DOCK2: variants seen among roughly 807,000 people sequenced by gnomAD.
The protein encoded by DOCK2 is dedicator of cytokinesis 2, also known as dedicator of cytokinesis protein 2.
Under a neutral mutation model 248.9 loss-of-function variants are expected in DOCK2, and 87 were observed. That is an observed-to-expected ratio of 0.35 (90% CI 0.29 to 0.42). The LOEUF (loss-of-function observed/expected upper bound fraction) is 0.42, where lower values mean the gene tolerates loss of function less well. DOCK2 is among the 10% of genes least tolerant of loss of function. The probability of loss-of-function intolerance (pLI) is 1.00; values close to 1 mark genes in which losing one functional copy is unlikely to be tolerated. For missense variants in DOCK2, 1,747 were observed against 2,300.2 expected, an observed-to-expected ratio of 0.76 and a Z score of 4.92; for synonymous variants, 805 against 821.6, an observed-to-expected ratio of 0.98 and a Z score of 0.35.
chr5:169,883,416 A>C (rs1469548147), intron 27 of DOCK2: 1 of 1,551,572 alleles, frequency 6.4e-7, no homozygotes, highest in South Asian at 1.2e-5. Flanking sequence ...TGACCCTTCG[A>C]GGCCCATCCT....
Position 169,717,568 on chromosome 5 carries a change from T to A in DOCK2, c.2132+84T>A, listed in dbSNP as rs140871783. On this transcript the variant is annotated intron_variant, in intron 21 of 51. Transcript: ENST00000520908. ...CCTAGGGCACAGGAACTTGAGTAAT[T>A]TTCTTTTGTGACTCATCTGTGTGAG... is the stretch of plus-strand genomic sequence containing the variant. The A allele has an allele frequency of 2.8e-3, 3,693 of 1,301,120 alleles. 8 individuals are homozygous for A. The highest frequency in any genetic ancestry group is 3.8e-3 in the Non-Finnish European group (3,412 of 899,414). The allele number at this position is 1,301,120 out of a possible 1,614,324, so 80.6% of individuals were successfully genotyped here. A position where few individuals can be genotyped will look rare whatever the true frequency, so the allele number is the denominator to read the frequency against.
chr5:169,845,975 TACTC>T (rs1770276838), intron 27 of DOCK2, among the ~76,000 whole-genome samples: 1 of 152,226 alleles, frequency 6.6e-6, no homozygotes. Context: ...GGAAAGTAGT[TACTC>T]AGGGGTCAAG....
intron 26 of DOCK2, among the ~76,000 whole-genome samples, chr5:169,819,975 C>T (rs1437947377): frequency 4.6e-5 from 7 of 152,240 alleles, no homozygotes; most frequent in African/African-American, 1.7e-4. Flanking sequence ...GAGACTATAT[C>T]CCGTGCCTGG....
intron 26 of DOCK2, 117 bp downstream of exon 26, chr5:169,803,323 T>C: frequency 7.3e-7 from 1 of 1,373,450 alleles, no homozygotes; most frequent in Non-Finnish European, 9.7e-7. Context: ...AGTCAACGGC[T>C]TGCTCAGCAG....
At chr5:170,045,215 G>C (rs1756659495) in intron 38 of DOCK2, among the ~76,000 whole-genome samples, 1 of 152,092 alleles carries the variant, frequency 6.6e-6, no homozygotes, top group Non-Finnish European at 1.5e-5. Flanking sequence ...AAGAATCCCA[G>C]GACTGCATAT....
At chr5:169,715,829 T>A (rs1351078780) in intron 19 of DOCK2, among the ~76,000 whole-genome samples, 1 of 152,138 alleles carries the variant, frequency 6.6e-6, no homozygotes, top group Non-Finnish European at 1.5e-5. Context: ...ACCATCATTG[T>A]AGATGGGTTT....
At chr5:169,835,051 G>C (rs1174202038) in intron 26 of DOCK2, among the ~76,000 whole-genome samples, 1 of 151,306 alleles carries the variant, frequency 6.6e-6, no homozygotes, top group Non-Finnish European at 1.5e-5. Context: ...TTTTTTTGGT[G>C]GGGGGGTGGC....
chr5:169,961,605 A>G (rs1347001719), intron 27 of DOCK2, among the ~76,000 whole-genome samples: 9 of 152,214 alleles, frequency 5.9e-5, no homozygotes, highest in Non-Finnish European at 2.9e-5. Flanking sequence ...GACAAGCACT[A>G]AACAAGTCTT....
At chr5:169,889,472 T>A (rs1220214825) in intron 27 of DOCK2, among the ~76,000 whole-genome samples, 1 of 152,222 alleles carries the variant, frequency 6.6e-6, no homozygotes, top group Non-Finnish European at 1.5e-5. Context: ...TCATATGGAA[T>A]CTGTTCCTAA....
intron 26 of DOCK2, among the ~76,000 whole-genome samples, chr5:169,826,019 A>G (rs1173426630): frequency 4.0e-5 from 6 of 151,860 alleles, no homozygotes; most frequent in East Asian, 1.9e-4. Flanking sequence ...TTTTTCATCA[A>G]ATTCTGAAGT....
chr5:169,776,110 T>C (rs2113785881), intron 25 of DOCK2, among the ~76,000 whole-genome samples: 1 of 149,426 alleles, frequency 6.7e-6, no homozygotes, highest in African/African-American at 2.4e-5. Context: ...TTCCTCTCTT[T>C]TGTATCATAT....
intron 27 of DOCK2, among the ~76,000 whole-genome samples, chr5:169,958,386 G>C (rs760043137): frequency 4.9e-4 from 75 of 152,098 alleles, no homozygotes; most frequent in Non-Finnish European, 9.7e-4. Flanking sequence ...GCAAGAGGAG[G>C]GCAAACAGAA....
chr5:169,849,390 TTAAA>T (rs1156804414), intron 27 of DOCK2, among the ~76,000 whole-genome samples: 1 of 152,198 alleles, frequency 6.6e-6, no homozygotes, highest in Non-Finnish European at 1.5e-5. Context: ...GTCGCTGCCC[TTAAA>T]TAGTGTATTG....
At chr5:169,931,475 T>G (rs1381425213) in intron 27 of DOCK2, among the ~76,000 whole-genome samples, 2 of 152,232 alleles carry the variant, frequency 1.3e-5, no homozygotes, top group East Asian at 3.8e-4. Flanking sequence ...ACTAAGTTCC[T>G]GGCATATAAA....
At chr5:169,836,146 G>A (rs1486775040) in intron 26 of DOCK2, among the ~76,000 whole-genome samples, 1 of 152,044 alleles carries the variant, frequency 6.6e-6, no homozygotes, top group Non-Finnish European at 1.5e-5. Flanking sequence ...AAAACTGTAA[G>A]TAGCATCATT....
At chr5:169,651,778 C>T (rs868010158) in intron 1 of DOCK2, among the ~76,000 whole-genome samples, 1 of 152,102 alleles carries the variant, frequency 6.6e-6, no homozygotes. Context: ...AAACAGGCTG[C>T]GTTTATGCAG....
At chr5:170,066,595 A>T (rs1385654184) in intron 44 of DOCK2, among the ~76,000 whole-genome samples, 2 of 152,202 alleles carry the variant, frequency 1.3e-5, no homozygotes, top group Non-Finnish European at 2.9e-5. Flanking sequence ...CAGCAGACAC[A>T]TTTTTCTGAA....
chr5:169,832,865 A>T (rs1769317617), intron 26 of DOCK2, among the ~76,000 whole-genome samples: 1 of 151,980 alleles, frequency 6.6e-6, no homozygotes, highest in Non-Finnish European at 1.5e-5. Flanking sequence ...TAAAAAAAAA[A>T]TGTAGGCCTT....
chr5:169,824,534 A>G (rs1481578576), intron 26 of DOCK2, among the ~76,000 whole-genome samples: 2 of 152,230 alleles, frequency 1.3e-5, no homozygotes, highest in Admixed American at 1.3e-4. Flanking sequence ...AGGATTCCCT[A>G]TTTAATAAAT....
Sources: allele counts gnomAD v4.1 joint callset (sites outside exome capture counted in the v4.1 genomes callset), GRCh38; gene constraint gnomAD v4.1.1; transcripts MANE v1.5; gene names NCBI Gene and HGNC (gene_info 2026-07-23, HGNC 2026-07-21).